The following LAMB4 variants were observed in gnomAD, a reference collection of about 807,000 sequenced individuals.
LAMB4 encodes laminin subunit beta 4.
In LAMB4, 196 loss-of-function variants were observed where a neutral mutation model predicts 199.2. That is an observed-to-expected ratio of 0.98 (90% CI 0.88 to 1.11). The LOEUF (loss-of-function observed/expected upper bound fraction) is 1.11. Among genes scored for constraint, LAMB4 ranks in the 50% least tolerant of loss-of-function variants. The pLI, the probability that LAMB4 is intolerant of heterozygous loss-of-function variation, is 0.00. For missense variants in LAMB4, 2,080 were observed against 2,171.2 expected, an observed-to-expected ratio of 0.96 and a Z score of 0.83; for synonymous variants, 744 against 770.6, an observed-to-expected ratio of 0.97 and a Z score of 0.57.
intron 4 of LAMB4, among the ~76,000 whole-genome samples, chr7:108,110,123 G>A (rs965937722): frequency 2.0e-5 from 3 of 152,092 alleles, no homozygotes; most frequent in East Asian, 1.9e-4. Flanking sequence ...TCTGCCTCCC[G>A]GGTCAGGGGA....
At chr7:108,117,167 A>T (rs1399353090) in intron 2 of LAMB4, among the ~76,000 whole-genome samples, 5 of 152,196 alleles carry the variant, frequency 3.3e-5, no homozygotes, top group Non-Finnish European at 7.4e-5. Flanking sequence ...ATTCTGGAAA[A>T]TTTCATAAAT....
chr7:108,032,889 C>G (rs980743666), intron 31 of LAMB4, among the ~76,000 whole-genome samples: 4 of 152,290 alleles, frequency 2.6e-5, no homozygotes, highest in Middle Eastern at 3.4e-3. Context: ...CAGATGCCTG[C>G]TGCCTGCTGT....
chr7:108,074,161 C>G (rs1028364710), intron 17 of LAMB4, among the ~76,000 whole-genome samples: 1 of 152,174 alleles, frequency 6.6e-6, no homozygotes, highest in Non-Finnish European at 1.5e-5. Flanking sequence ...CTCAGGAACA[C>G]ACCCTCAATA....
In LAMB4 at chr7:108,034,326, A is replaced by C; in HGVS notation, c.4700T>G (p.Leu1567Ter). The C allele has an allele frequency of 6.2e-7, 1 of 1,610,544 alleles. No homozygotes were observed. Reference protein sequence around the residue: ...KAAEKAANILLNLDKTLNQLQ... With the variant: ...KAAEKAANIL Reference sequence around the variant, plus strand: ...CTGGTTCAATGTTTTGTCAAGATTTAATAGAATATTTGCTGCTTTCCTAAG... The same window carrying C: ...CTGGTTCAATGTTTTGTCAAGATTTCATAGAATATTTGCTGCTTTCCTAAG... The change falls in exon 31 of 34, where the codon TTA becomes TGA. Residue 1567 changes from leucine to a stop codon, truncating the protein, a stop_gained. Coordinates refer to ENST00000388781, the MANE Select transcript of LAMB4 (RefSeq NM_007356.3). LOFTEE classifies it high-confidence loss of function.
intron 2 of LAMB4, 84 bp downstream of exon 2, chr7:108,123,047 G>T: frequency 1.6e-6 from 2 of 1,218,042 alleles, no homozygotes; most frequent in Non-Finnish European, 2.3e-6. Context: ...ATAGAAGACA[G>T]AAGTGAATAT....
intron 28 of LAMB4, chr7:108,044,130 C>T: frequency 5.5e-6 from 2 of 365,032 alleles, no homozygotes. Context: ...ACATTACTGA[C>T]TTAGCACTAA....
intron 17 of LAMB4, among the ~76,000 whole-genome samples, chr7:108,071,666 C>T (rs1317307556): frequency 6.6e-6 from 1 of 152,216 alleles, no homozygotes; most frequent in Non-Finnish European, 1.5e-5. Flanking sequence ...ACATCCCACA[C>T]ACATCAAATC....
intron 22 of LAMB4, among the ~76,000 whole-genome samples, chr7:108,063,336 G>T (rs1026494685): frequency 6.6e-6 from 1 of 152,130 alleles, no homozygotes; most frequent in East Asian, 1.9e-4. Flanking sequence ...GTCACATGAT[G>T]AGTTTGTTAC....
chr7:108,054,157 C>T (rs985417081), intron 25 of LAMB4, among the ~76,000 whole-genome samples: 15 of 152,114 alleles, frequency 9.9e-5, no homozygotes, highest in African/African-American at 2.7e-4. Context: ...AGGCTGGTCT[C>T]GAACTCCTGG....
chr7:108,040,985 A>G (rs1042392883), intron 29 of LAMB4, among the ~76,000 whole-genome samples: 2 of 152,214 alleles, frequency 1.3e-5, no homozygotes, highest in Non-Finnish European at 2.9e-5. Context: ...AATGGGAGAA[A>G]ATTTTTGCAA....
intron 25 of LAMB4, among the ~76,000 whole-genome samples, chr7:108,055,392 G>A (rs74838327): frequency 2.0e-5 from 3 of 152,192 alleles, no homozygotes; most frequent in Middle Eastern, 6.8e-3. Flanking sequence ...TCTCCATGTT[G>A]GCCAGGCTGG....
intron 14 of LAMB4, among the ~76,000 whole-genome samples, chr7:108,081,250 C>T (rs1036542705): frequency 6.6e-6 from 1 of 152,188 alleles, no homozygotes; most frequent in African/African-American, 2.4e-5. Flanking sequence ...ACAGTTGACC[C>T]TTGCTCTGGA....
At chr7:108,099,019 A>T (rs993088093) in intron 10 of LAMB4, among the ~76,000 whole-genome samples, 1 of 152,232 alleles carries the variant, frequency 6.6e-6, no homozygotes, top group African/African-American at 2.4e-5. Context: ...ATAGATTTTA[A>T]AAAAGACTCT....
Position 108,111,850 on chromosome 7 carries a change from C to G in LAMB4, c.289G>C (p.Glu97Gln). The change falls in exon 4 of 34, where the codon GAA becomes CAA. Residue 97 changes from glutamate to glutamine, a missense_variant. Transcript: ENST00000388781. ...HTIENVIVSF[E>Q]PDREKKWWQS... ...CACCATTTCTTTTCTCTGTCTGGTT[C>G]AAAACTTACAATGACATTCTCAATG... 6.2e-7 allele frequency: 1 copy of G among 1,611,946 alleles called. No individual in the cohort carries two copies. The highest frequency in any genetic ancestry group is 1.3e-5 in the African/African-American group (1 of 74,948).
rs192110077 is a variant in LAMB4, at chr7:108,117,904, G to T, written c.35-1743C>A. On this transcript the variant is annotated intron_variant, in intron 2 of 33. Transcript: ENST00000388781. Reference sequence around the variant, plus strand: ...AGAGGTCACTGTCGCGGCCATCTTGGCTTTGGTGGGTTTTGGCTGGCTTCT... The same window carrying T: ...AGAGGTCACTGTCGCGGCCATCTTGTCTTTGGTGGGTTTTGGCTGGCTTCT... Among the ~76,000 whole-genome samples, 241 of 152,246 alleles carry T rather than the reference G, an allele frequency of 1.6e-3. 1 individual carries two copies. The highest frequency in any genetic ancestry group is 2.2e-3 in the Admixed American group (34 of 15,302).
chr7:108,022,050 G>C (rs2034705288), downstream of LAMB4, among the ~76,000 whole-genome samples: 1 of 152,206 alleles, frequency 6.6e-6, no homozygotes, highest in Non-Finnish European at 1.5e-5. Context: ...ATGGTGGTGA[G>C]TGTCCAAGGA....
intron 14 of LAMB4, among the ~76,000 whole-genome samples, chr7:108,082,310 A>C (rs183510575): frequency 5.5e-4 from 81 of 147,810 alleles, no homozygotes; most frequent in African/African-American, 1.9e-3. Context: ...AGCCTGGGCG[A>C]AAGAGCGAGA....
At chr7:108,093,755 T>A (rs935992161) in intron 12 of LAMB4, among the ~76,000 whole-genome samples, 4 of 152,352 alleles carry the variant, frequency 2.6e-5, no homozygotes, top group Admixed American at 2.0e-4. Context: ...TTAGTAGGTA[T>A]GAAATTCTCT....
intron 29 of LAMB4, among the ~76,000 whole-genome samples, chr7:108,042,937 CTGTGTG>C (rs754739499): frequency 0.016 from 2,224 of 140,378 alleles, 27 homozygotes; most frequent in Non-Finnish European, 0.019. Context: ...CTCTCAATCT[CTGTGTG>C]TGTGTGTGTG....
Sources: gnomAD v4.1 joint callset for allele counts (sites outside exome capture counted in the v4.1 genomes callset) on GRCh38, gnomAD v4.1.1 for gene constraint, MANE v1.5 for transcripts, NCBI Gene and HGNC (gene_info 2026-07-23, HGNC 2026-07-21) for gene names.